The following RBFOX1 variants were observed in gnomAD, a reference collection of about 807,000 sequenced individuals.
RBFOX1 encodes the protein RNA binding fox-1 homolog 1.
Under a neutral mutation model 57.7 loss-of-function variants are expected in RBFOX1, and 8 were observed. The ratio of observed to expected loss-of-function variants is 0.14; its 90% CI spans 0.08 to 0.25. The LOEUF (loss-of-function observed/expected upper bound fraction) is 0.25, where lower values mean the gene tolerates loss of function less well. Ranked by LOEUF, RBFOX1 falls within the 10% of genes least tolerant of loss-of-function variation. The pLI, the probability that RBFOX1 is intolerant of heterozygous loss-of-function variation, is 1.00. For synonymous variants in RBFOX1, 326 were observed against 222.4 expected, an observed-to-expected ratio of 1.47 and a Z score of -4.15; for missense variants, 611 against 548.5, an observed-to-expected ratio of 1.11 and a Z score of -1.14.
intron 4 of RBFOX1, among the ~76,000 whole-genome samples, chr16:7,397,433 T>A (rs1015405996): frequency 3.9e-5 from 6 of 152,158 alleles, no homozygotes; most frequent in African/African-American, 1.4e-4. Context: ...TTCCTCATAC[T>A]TGTCACATAG....
intron 2 of RBFOX1, among the ~76,000 whole-genome samples, chr16:6,622,032 C>A (rs923967682): frequency 6.6e-6 from 1 of 152,122 alleles, no homozygotes; most frequent in Non-Finnish European, 1.5e-5. Flanking sequence ...TTTACAAGAC[C>A]TGAGAGTGAT....
chr16:6,626,157 C>G (rs1260207383), intron 2 of RBFOX1, among the ~76,000 whole-genome samples: 1 of 128,010 alleles, frequency 7.8e-6, no homozygotes. Flanking sequence ...TTTTTTTTTT[C>G]CCAAATTGCA....
intron 4 of RBFOX1, among the ~76,000 whole-genome samples, chr16:7,096,973 GTGGTTTCCCAGGAAATAT>G (rs2061809921): frequency 6.6e-6 from 1 of 150,482 alleles, no homozygotes; most frequent in Non-Finnish European, 1.5e-5. Flanking sequence ...TAGGGAAGTG[GTGGTTTCCCAGGAAATAT>G]TAAAGAGCTG....
chr16:6,266,635 A>T (rs893814224), intron 1 of RBFOX1, among the ~76,000 whole-genome samples: 8 of 151,788 alleles, frequency 5.3e-5, no homozygotes, highest in African/African-American at 1.7e-4. Context: ...AGTCCCTTGA[A>T]CCCAGGAGGC....
intron 1 of RBFOX1, among the ~76,000 whole-genome samples, chr16:5,378,218 G>C (rs181025977): frequency 6.6e-6 from 1 of 151,790 alleles, no homozygotes; most frequent in Non-Finnish European, 1.5e-5. Context: ...GTCACCAGCT[G>C]TTCTGGATTA....
At chr16:6,671,876 C>G (rs972853278) in intron 3 of RBFOX1, among the ~76,000 whole-genome samples, 2 of 152,174 alleles carry the variant, frequency 1.3e-5, no homozygotes, top group African/African-American at 4.8e-5. Context: ...TTTTGTGTGC[C>G]ATTTTACATT....
chr16:7,574,204 T>C (rs530916262), intron 5 of RBFOX1, among the ~76,000 whole-genome samples: 13 of 152,242 alleles, frequency 8.5e-5, no homozygotes, highest in South Asian at 4.1e-4. Flanking sequence ...CGTCATTGCA[T>C]CCAGGGCCAT....
intron 3 of RBFOX1, among the ~76,000 whole-genome samples, chr16:6,793,100 A>T (rs1406451267): frequency 2.0e-5 from 3 of 152,018 alleles, no homozygotes. Context: ...GCCAGATTGC[A>T]CAAAAGTTCA....
intron 2 of RBFOX1, among the ~76,000 whole-genome samples, chr16:6,521,314 A>C (rs992821202): frequency 6.6e-6 from 1 of 152,150 alleles, no homozygotes; most frequent in Admixed American, 6.6e-5. Flanking sequence ...TCTGAAGCCC[A>C]AGACATCCCT....
chr16:6,671,936 C>G lies in RBFOX1; in HGVS notation c.-16+17286C>G, dbSNP rs562519265. On this transcript the variant is annotated intron_variant, in intron 3 of 15. Coordinates refer to ENST00000550418, the MANE Select transcript of RBFOX1 (RefSeq NM_018723.4). The stretch of plus-strand genomic sequence containing the variant: ...TTGCCTTTAAAAACTGTTGCGACTA[C>G]TAAGTAGATAGGATGATAATGCGAA... Among the ~76,000 whole-genome samples, 4 of 152,308 alleles carry G rather than the reference C, an allele frequency of 2.6e-5. No homozygotes were observed. In the East Asian group the frequency reaches 7.7e-4, roughly 29 times the overall value.
At chr16:7,248,689 C>A (rs1199893792) in intron 4 of RBFOX1, among the ~76,000 whole-genome samples, 1 of 151,986 alleles carries the variant, frequency 6.6e-6, no homozygotes. Context: ...CAGATAAGCA[C>A]CAAGAAAATT....
intron 2 of RBFOX1, among the ~76,000 whole-genome samples, chr16:6,572,782 C>A (rs1003903297): frequency 2.0e-5 from 3 of 152,042 alleles, no homozygotes; most frequent in African/African-American, 7.2e-5. Context: ...TTAGTAGAAA[C>A]GGGGTTTCAC....
chr16:5,282,181 C>A (rs2063288471), intron 1 of RBFOX1, among the ~76,000 whole-genome samples: 1 of 152,202 alleles, frequency 6.6e-6, no homozygotes, highest in Non-Finnish European at 1.5e-5. Flanking sequence ...TCTTTGCCTG[C>A]TGCCATCCCT....
intron 3 of RBFOX1, among the ~76,000 whole-genome samples, chr16:6,909,812 T>C (rs143664844): frequency 4.5e-4 from 68 of 152,250 alleles, no homozygotes; most frequent in African/African-American, 1.5e-3. Flanking sequence ...GGTCTTCTGT[T>C]GATCTAAAGC....
At chr16:7,161,717 G>C (rs962741922) in intron 4 of RBFOX1, among the ~76,000 whole-genome samples, 1 of 152,154 alleles carries the variant, frequency 6.6e-6, no homozygotes, top group Non-Finnish European at 1.5e-5. Flanking sequence ...TCCTTCATTT[G>C]AGCAGCTTCC....
At chr16:6,594,628 A>T (rs2097758990) in intron 2 of RBFOX1, among the ~76,000 whole-genome samples, 1 of 151,998 alleles carries the variant, frequency 6.6e-6, no homozygotes, top group Non-Finnish European at 1.5e-5. Context: ...TTGGGCTAGG[A>T]CCCTAAATAA....
At chr16:5,960,193 T>A (rs2059720993) in intron 4 of RBFOX1, among the ~76,000 whole-genome samples, 1 of 152,102 alleles carries the variant, frequency 6.6e-6, no homozygotes, top group Admixed American at 6.5e-5. Flanking sequence ...AGAGTGAGAC[T>A]CTGTCTCAAG....
intron 4 of RBFOX1, among the ~76,000 whole-genome samples, chr16:5,980,059 C>T (rs2060141711): frequency 6.6e-6 from 1 of 152,164 alleles, no homozygotes; most frequent in Non-Finnish European, 1.5e-5. Context: ...CCAATCAGCT[C>T]CACCCTCCTC....
chr16:6,677,019 T>C (rs2057844566), intron 3 of RBFOX1, among the ~76,000 whole-genome samples: 1 of 152,146 alleles, frequency 6.6e-6, no homozygotes, highest in Admixed American at 6.6e-5. Flanking sequence ...ACCAAAAGAC[T>C]TGAAAAAGAA....
Sources: gnomAD v4.1 joint callset for allele counts (sites outside exome capture counted in the v4.1 genomes callset) on GRCh38, gnomAD v4.1.1 for gene constraint, MANE v1.5 for transcripts, NCBI Gene and HGNC (gene_info 2026-07-23, HGNC 2026-07-21) for gene names.